ADGRV1: variants seen among roughly 807,000 people sequenced by gnomAD.
ADGRV1 encodes G-protein coupled receptor 98.
ADGRV1 carries 359 observed loss-of-function variants against 596.2 expected under a neutral mutation model. The ratio of observed to expected loss-of-function variants is 0.60; its 90% CI spans 0.55 to 0.66. ADGRV1 has a LOEUF of 0.66. Ranked by LOEUF, ADGRV1 falls within the 30% of genes least tolerant of loss-of-function variation. The pLI is 0.00. For synonymous variants in ADGRV1, 2,681 were observed against 2,679.2 expected (o/e 1.00, Z -0.02); for missense variants, 7,274 against 7,575.6 (o/e 0.96, Z 1.48).
chr5:90,868,576 C>A (rs1168173446), intron 83 of ADGRV1, among the ~76,000 whole-genome samples: 1 of 151,186 alleles, frequency 6.6e-6, no homozygotes, highest in Non-Finnish European at 1.5e-5. Context: ...TTCCCCTGCC[C>A]CAAGTTCATT....
At chr5:90,644,037 A>AT (rs928756387) in intron 14 of ADGRV1, 54 bp downstream of exon 14, 1 of 1,249,532 alleles carries the variant, frequency 8.0e-7, no homozygotes, top group Admixed American at 2.8e-5. Flanking sequence ...AAGAAATATA[A>AT]TTTTTTTAGT....
chr5:90,884,679 T>C (rs1168639510), intron 83 of ADGRV1, among the ~76,000 whole-genome samples: 2 of 152,266 alleles, frequency 1.3e-5, no homozygotes, highest in African/African-American at 4.8e-5. Context: ...ACTACTAGTT[T>C]CAACTTTTTG....
rs1765148847 is a variant in ADGRV1, at chr5:90,628,926, T to C, written c.1509+94T>C. 4 of 1,158,858 alleles carry C rather than the reference T, an allele frequency of 3.5e-6. No homozygotes were observed. In the African/African-American group the frequency reaches 6.2e-5, roughly 18 times the overall value. 71.8% of individuals were successfully genotyped at this position (1,158,858 alleles called of 1,614,324 possible). ...ATACACATCAACTTTATGTTTAGTT[T>C]GAAGGGACAGGAAAAACACTGGCTT... On this transcript the variant is annotated intron_variant, in intron 8 of 89. Transcript: ENST00000405460.
intron 83 of ADGRV1, among the ~76,000 whole-genome samples, chr5:90,961,296 C>T (rs1357939886): frequency 2.0e-5 from 3 of 151,758 alleles, no homozygotes; most frequent in Admixed American, 6.6e-5. Flanking sequence ...GTCAGGAGAG[C>T]GAGACCATCC....
chr5:90,752,211 G>A (rs1204753909), intron 53 of ADGRV1, among the ~76,000 whole-genome samples: 1 of 152,170 alleles, frequency 6.6e-6, no homozygotes, highest in African/African-American at 2.4e-5. Context: ...TTGTGTTCCA[G>A]TAAAACTTGA....
intron 85 of ADGRV1, among the ~76,000 whole-genome samples, chr5:91,024,899 T>G (rs1174740140): frequency 1.3e-5 from 2 of 152,146 alleles, no homozygotes; most frequent in Non-Finnish European, 2.9e-5. Context: ...AAGCATCAAA[T>G]TGCGCAGAAT....
chr5:90,876,301 T>C (rs1769211960), intron 83 of ADGRV1, among the ~76,000 whole-genome samples: 1 of 152,344 alleles, frequency 6.6e-6, no homozygotes, highest in African/African-American at 2.4e-5. Context: ...TTGGAAATCT[T>C]TAAATTAAAT....
chr5:91,053,128 C>T (rs1786503223), intron 85 of ADGRV1, among the ~76,000 whole-genome samples: 1 of 152,150 alleles, frequency 6.6e-6, no homozygotes, highest in Non-Finnish European at 1.5e-5. Flanking sequence ...TTGGTTTAAT[C>T]ACTGCTTCCT....
chr5:90,704,410 T>C lies in ADGRV1; in HGVS notation c.8308T>C (p.Phe2770Leu), dbSNP rs375272281. Residue 2770 changes from phenylalanine to leucine, a missense_variant, in exon 36 of 90, where the codon TTT becomes CTT. Around this residue, in one of 5 missense-constraint regions of ADGRV1, gnomAD observed 3,643 missense variants for 3,809.2 expected, o/e 0.96. Coordinates refer to ENST00000405460, the MANE Select transcript of ADGRV1 (RefSeq NM_032119.4). ...ATAGGGGTCGTTGAATACAACATTGTTTGTGCATTTGTTGGATGACAACAT... is the reference window on the plus strand; with the variant it reads ...ATAGGGGTCGTTGAATACAACATTGCTTGTGCATTTGTTGGATGACAACAT... Reference protein sequence around the residue: ...FPEGSLNTTLFVHLLDDNIPE... With the variant: ...FPEGSLNTTLLVHLLDDNIPE... The C allele has an allele frequency of 3.6e-5, 57 of 1,576,650 alleles. 1 individual carries two copies. The highest frequency in any genetic ancestry group is 6.0e-6 in the Non-Finnish European group (7 of 1,159,322).
Position 91,069,928 on chromosome 5 carries a change from CAAAAA to C in ADGRV1, c.18153-2508_18153-2504del, listed in dbSNP as rs70973728. Among the ~76,000 whole-genome samples, 17 of 136,888 alleles carry C rather than the reference CAAAAA, an allele frequency of 1.2e-4. No homozygotes were observed. The East Asian group carries it at 3.7e-3, about 30-fold the overall frequency. 89.8% of individuals were successfully genotyped at this position (136,888 alleles called of 152,430 possible). A position where few individuals can be genotyped will look rare whatever the true frequency, so the allele number is the denominator to read the frequency against. On this transcript the variant is annotated intron_variant, in intron 85 of 89. Coordinates refer to ENST00000405460, the MANE Select transcript of ADGRV1 (RefSeq NM_032119.4). ...TAAACCATAGAATACAATGTAGCCA[CAAAAA>C]AAAAAAAAAATGAAATCATGTCCTT...
chr5:90,600,488 C>G (rs1761262253), intron 1 of ADGRV1, among the ~76,000 whole-genome samples: 2 of 152,216 alleles, frequency 1.3e-5, no homozygotes, highest in Admixed American at 1.3e-4. Context: ...ATGAACTCAT[C>G]ATTTTTTATG....
At chr5:91,107,314 T>C (rs924747596) in intron 87 of ADGRV1, among the ~76,000 whole-genome samples, 1 of 151,998 alleles carries the variant, frequency 6.6e-6, no homozygotes, top group African/African-American at 2.4e-5. Flanking sequence ...AAAGGAGAAA[T>C]TGACATCTGG....
At chr5:90,814,144 C>T (rs529049270) in intron 74 of ADGRV1, among the ~76,000 whole-genome samples, 51 of 152,240 alleles carry the variant, frequency 3.3e-4, no homozygotes, top group South Asian at 2.9e-3. Flanking sequence ...TACCAGGCTA[C>T]GAAGTGATTG....
intron 38 of ADGRV1, among the ~76,000 whole-genome samples, chr5:90,708,467 CCTT>C (rs898164547): frequency 2.3e-4 from 35 of 150,826 alleles, no homozygotes; most frequent in African/African-American, 8.0e-4. Context: ...TTCTATTCCT[CCTT>C]CTACACATTA....
Position 90,789,058 on chromosome 5 carries a change from A to T in ADGRV1, c.13894-644A>T, listed in dbSNP as rs78411457. ...TGGAGCAGAGCAGTTCAGTAAGCTA[A>T]AAACTCAAGCAGGATTCCTAAGTTA... On this transcript the variant is annotated intron_variant, in intron 68 of 89. Transcript: ENST00000405460. 2.9e-3 allele frequency among the ~76,000 whole-genome samples: 437 copies of T among 152,260 alleles called. 4 individuals carry two copies. The highest frequency in any genetic ancestry group is 0.026 in the East Asian group (133 of 5,176).
chr5:91,142,846 T>A (rs1795208779), intron 87 of ADGRV1, among the ~76,000 whole-genome samples: 1 of 152,234 alleles, frequency 6.6e-6, no homozygotes. Flanking sequence ...TGTTACGGGA[T>A]CCTTGGGGTT....
chr5:91,029,644 A>C, intron 85 of ADGRV1, among the ~76,000 whole-genome samples: 1 of 152,150 alleles, frequency 6.6e-6, no homozygotes, highest in East Asian at 1.9e-4. Flanking sequence ...TGCTCTTTCA[A>C]ATAGTTGTCC....
intron 42 of ADGRV1, 64 bp from the exon 43 acceptor site, chr5:90,716,403 C>A (rs1750115027): frequency 3.2e-6 from 4 of 1,254,022 alleles, no homozygotes; most frequent in African/African-American, 3.0e-5. Flanking sequence ...GACATCCACA[C>A]TTTTTTCAGC....
chr5:91,067,433 G>A (rs560507541), intron 85 of ADGRV1, among the ~76,000 whole-genome samples: 6 of 152,188 alleles, frequency 3.9e-5, no homozygotes, highest in African/African-American at 7.2e-5. Flanking sequence ...GTGAGCCACC[G>A]CGCCTGGCCG....
Sources: gnomAD v4.1 joint callset for allele counts (sites outside exome capture counted in the v4.1 genomes callset) on GRCh38, gnomAD v4.1.1 for gene constraint, gnomAD v4.1.1 regional missense constraint, MANE v1.5 for transcripts, NCBI Gene and HGNC (gene_info 2026-07-23, HGNC 2026-07-21) for gene names.